Variants in POTEC observed in about 807,000 individuals in gnomAD.
POTEC encodes the protein ANKRD26-like family B member 2.
POTEC carries 35 observed loss-of-function variants against 62.0 expected under a neutral mutation model. That is an observed-to-expected ratio of 0.56 (90% confidence interval 0.43 to 0.75). The LOEUF is 0.75. Ranked by LOEUF, POTEC falls within the 30% of genes least tolerant of loss-of-function variation. The pLI is 0.00. For missense variants in POTEC, 472 were observed against 655.9 expected (o/e 0.72, Z 3.06); for synonymous variants, 156 against 221.5 (o/e 0.70, Z 2.62).
intron 6 of POTEC, among the ~76,000 whole-genome samples, chr18:14,527,316 G>C (rs1252149236): frequency 1.3e-5 from 2 of 152,096 alleles, no homozygotes; most frequent in Admixed American, 1.3e-4. Flanking sequence ...CTGCTAAAGG[G>C]ATTCTGTTTG....
At chr18:14,517,406 T>TG (rs1467573224) in intron 9 of POTEC, among the ~76,000 whole-genome samples, 1 of 152,216 alleles carries the variant, frequency 6.6e-6, no homozygotes, top group Non-Finnish European at 1.5e-5. Flanking sequence ...CAGCAGTACC[T>TG]GCTCCATCAG....
chr18:14,528,839 C>T (rs909544147), intron 6 of POTEC: 1 of 415,518 alleles, frequency 2.4e-6, no homozygotes, highest in Non-Finnish European at 4.8e-6. Context: ...GCTAAGTATT[C>T]ACCTTATTCC....
chr18:14,531,337 T>C (rs201052705), intron 5 of POTEC, among the ~76,000 whole-genome samples: 56,981 of 145,470 alleles, frequency 0.39, 12,353 homozygotes, highest in African/African-American at 0.57. Flanking sequence ...TCCTTCTCTA[T>C]AGACTCAAAC....
At position 14,542,892 on chromosome 18, in the gene POTEC, G is replaced by A. The variant is rs758727766; in HGVS notation, c.255C>T (p.Asp85=). The A allele has an allele frequency of 1.2e-5, 16 of 1,303,118 alleles. 1 individual carries two copies. In the Middle Eastern group the frequency reaches 7.9e-4, roughly 64 times the overall value. 80.7% of individuals were successfully genotyped at this position (1,303,118 alleles called of 1,614,324 possible). Residue 85 remains aspartate (D), a synonymous_variant, in exon 1 of 11, where the codon GAC becomes GAT. Transcript: ENST00000358970. Reference sequence around the variant, plus strand: ...GCGTCTTCATAAAGGAGTTGTCATGGTCTCCAGAAGTGCCCACGTTGCTCG... The same window carrying A: ...GCGTCTTCATAAAGGAGTTGTCATGATCTCCAGAAGTGCCCACGTTGCTCG... The part of the protein sequence containing the change: ...SGTSNVGTSG[D]HDNSFMKTLR...
intron 9 of POTEC, among the ~76,000 whole-genome samples, chr18:14,519,911 C>T (rs1910264187): frequency 6.6e-6 from 1 of 151,984 alleles, no homozygotes; most frequent in African/African-American, 2.4e-5. Flanking sequence ...GAGGAGATGT[C>T]CTCCATTGCC....
intron 3 of POTEC, 129 bp from the exon 4 acceptor site, chr18:14,535,136 C>G (rs1905669216): frequency 7.0e-7 from 1 of 1,426,448 alleles, no homozygotes. Flanking sequence ...TCTCACTCTT[C>G]TGTACTTTCC....
chr18:14,516,883 G>A (rs529022147), intron 9 of POTEC, among the ~76,000 whole-genome samples: 8 of 151,488 alleles, frequency 5.3e-5, no homozygotes, highest in Non-Finnish European at 1.0e-4. Context: ...GAATATCACC[G>A]TTATTGTACT....
At position 14,533,168 on chromosome 18, in the gene POTEC, T is replaced by C. The variant is rs1300410770; in HGVS notation, c.948A>G (p.Gly316=). The change falls in exon 5 of 11, where the codon GGA becomes GGG. Residue 316 remains glycine, a synonymous_variant. Coordinates refer to ENST00000358970, the MANE Select transcript of POTEC (RefSeq NM_001137671.2). ...GGAGAAGATTGACTATACTTGCTGA[T>C]CCACAACATACAGCAAGTATGAGGG... ...RTALILAVCC[G]SASIVNLLLE... 2 of 1,611,322 alleles carry C rather than the reference T, an allele frequency of 1.2e-6. No homozygotes were observed. Among genetic ancestry groups the C allele is most frequent in the African/African-American group, 2.7e-5 (2 of 74,810 alleles).
rs868162345 is a variant in POTEC, at chr18:14,510,193, A to G, written c.*1705T>C. 6 of 152,330 alleles carry G rather than the reference A, an allele frequency of 3.9e-5. No homozygotes were observed. Among genetic ancestry groups the G allele is most frequent in the Admixed American group, 1.3e-4 (2 of 15,292 alleles). The allele number at this position is 152,330 out of a possible 1,614,324, so 9.4% of individuals were successfully genotyped here. A position where few individuals can be genotyped will look rare whatever the true frequency, so the allele number is the denominator to read the frequency against. On this transcript the variant is annotated 3_prime_UTR_variant, in exon 11 of 11. Transcript: ENST00000358970. ...GTTCCTTGTCTGGTGATGAGCAGTA[A>G]GGGGTGTGTTGTACCTGTGGAAGAT... is the stretch of plus-strand genomic sequence containing the variant.
Position 14,508,349 on chromosome 18 carries a change from G to T in POTEC, c.*3549C>A, listed in dbSNP as rs909930370. On this transcript the variant is annotated 3_prime_UTR_variant, in exon 11 of 11. Transcript: ENST00000358970. Reference sequence around the variant, plus strand: ...GCTCTGGGATTCTTTCCTCTTCTTGGTCTATTCTGTTAGATGGTCTTGCAC... The same window carrying T: ...GCTCTGGGATTCTTTCCTCTTCTTGTTCTATTCTGTTAGATGGTCTTGCAC... 1.3e-5 allele frequency: 2 copies of T among 152,296 alleles called. No homozygotes were observed. Among genetic ancestry groups the T allele is most frequent in the African/African-American group, 2.4e-5 (1 of 41,298 alleles). The allele number at this position is 152,296 out of a possible 1,614,324, so 9.4% of individuals were successfully genotyped here.
At chr18:14,525,165 A>G (rs577753387) in intron 6 of POTEC, among the ~76,000 whole-genome samples, 182 bp from the exon 7 acceptor site, 1 of 152,130 alleles carries the variant, frequency 6.6e-6, no homozygotes, top group African/African-American at 2.4e-5. Flanking sequence ...ACTTGGGGAG[A>G]CACCTGATGT....
rs1158054861 is a variant in POTEC at position 14,537,172 on chromosome 18, A to AACACACACACACACAC, written c.810+613_810+628dup. ...AAGGAAACGAATGAACAACAATAAC[A>AACACACACACACACAC]ACACACACACACACACACACACACA... On this transcript the variant is annotated intron_variant, in intron 3 of 10. Transcript: ENST00000358970. 1.5e-3 allele frequency among the ~76,000 whole-genome samples: 96 copies of AACACACACACACACAC among 64,742 alleles called. 2 individuals carry two copies. The highest frequency in any genetic ancestry group is 1.7e-3 in the Non-Finnish European group (58 of 33,782). The allele number at this position is 64,742 out of a possible 152,430, so 42.5% of individuals were successfully genotyped here. A position where few individuals can be genotyped will look rare whatever the true frequency, so the allele number is the denominator to read the frequency against.
intron 1 of POTEC, among the ~76,000 whole-genome samples, chr18:14,539,957 A>G (rs1321323801): frequency 6.6e-6 from 1 of 152,172 alleles, no homozygotes; most frequent in Non-Finnish European, 1.5e-5. Context: ...GGATTGAAAG[A>G]ATGGATAAAC....
At chr18:14,520,207 T>C (rs1459815063) in intron 9 of POTEC, among the ~76,000 whole-genome samples, 1 of 152,050 alleles carries the variant, frequency 6.6e-6, no homozygotes, top group Non-Finnish European at 1.5e-5. Flanking sequence ...ACATAACAGG[T>C]GTAGTTTTCA....
chr18:14,525,711 G>A (rs1910417724), intron 6 of POTEC, among the ~76,000 whole-genome samples: 1 of 151,346 alleles, frequency 6.6e-6, no homozygotes, highest in African/African-American at 2.4e-5. Context: ...AATCCGCTGA[G>A]CTGGTGTGCA....
intron 3 of POTEC, among the ~76,000 whole-genome samples, chr18:14,535,544 A>T (rs1905683858): frequency 6.6e-6 from 1 of 151,656 alleles, no homozygotes; most frequent in African/African-American, 2.4e-5. Flanking sequence ...TAATTTTTCC[A>T]GATTGTTAAC....
At chr18:14,542,561 C>G in intron 1 of POTEC, 65 bp downstream of exon 1, 1 of 1,604,930 alleles carries the variant, frequency 6.2e-7, no homozygotes, top group South Asian at 1.1e-5. Context: ...TCCCTCCCTG[C>G]GCCAGGAGGG....
At chr18:14,542,259 C>T (rs1905959117) in intron 1 of POTEC, among the ~76,000 whole-genome samples, 1 of 152,074 alleles carries the variant, frequency 6.6e-6, no homozygotes, top group Non-Finnish European at 1.5e-5. Context: ...ATATTTAGCC[C>T]AGAAGTTGAT....
rs1371317290 is a variant in POTEC at position 14,543,366 on chromosome 18, G to C, written c.-220C>G. 5.4e-6 allele frequency: 4 copies of C among 747,204 alleles called. No homozygotes were observed. Among genetic ancestry groups the C allele is most frequent in the Admixed American group, 3.0e-5 (1 of 33,872 alleles). 46.3% of individuals were successfully genotyped at this position (747,204 alleles called of 1,614,324 possible). ...CCCACGCCCACCAGGGGGACCCAAC[G>C]CCCACCCCAGGAAAGGCCAAGCCCC... On this transcript the variant is annotated 5_prime_UTR_variant, in exon 1 of 11. Coordinates refer to ENST00000358970, the MANE Select transcript of POTEC (RefSeq NM_001137671.2).
Sources: gnomAD v4.1 joint callset for allele counts (sites outside exome capture counted in the v4.1 genomes callset) on GRCh38, gnomAD v4.1.1 for gene constraint, MANE v1.5 for transcripts, NCBI Gene and HGNC (gene_info 2026-07-23, HGNC 2026-07-21) for gene names.